The following C7orf78 variants were observed in gnomAD, a reference collection of about 807,000 sequenced individuals.
The protein encoded by C7orf78 is putative uncharacterized protein C7orf78.
At chr7:12,535,002 G>GGAAGGAAA in the C7orf78 span, among the ~76,000 whole-genome samples, 1 of 150,428 alleles carries the variant, frequency 6.6e-6, no homozygotes, top group Admixed American at 6.7e-5. Context: ...AAGGAAGGAA[G>GGAAGGAAA]GAAGGAAGGA....
chr7:12,508,821 T>C, the C7orf78 span, among the ~76,000 whole-genome samples: 3 of 152,288 alleles, frequency 2.0e-5, no homozygotes, highest in South Asian at 2.1e-4. Flanking sequence ...GTGAACCCTA[T>C]TGTGAACTGC....
At chr7:12,540,530 T>C in the C7orf78 span, among the ~76,000 whole-genome samples, 4 of 152,232 alleles carry the variant, frequency 2.6e-5, no homozygotes, top group African/African-American at 9.6e-5. Context: ...GTTATAATTT[T>C]ATAAGCTGGG....
the C7orf78 span, among the ~76,000 whole-genome samples, chr7:12,484,507 A>G: frequency 0.018 from 2,815 of 152,298 alleles, 83 homozygotes; most frequent in African/African-American, 0.064. Context: ...CTCTGTAGTC[A>G]TTATTTTAGT....
At chr7:12,515,729 G>A in the C7orf78 span, among the ~76,000 whole-genome samples, 1 of 152,170 alleles carries the variant, frequency 6.6e-6, no homozygotes, top group East Asian at 1.9e-4. Context: ...AACTTGTTGG[G>A]AACTGGAGCA....
At chr7:12,523,553 T>C in the C7orf78 span, 1 of 394,016 alleles carries the variant, frequency 2.5e-6, no homozygotes, top group Non-Finnish European at 4.5e-6. Flanking sequence ...ATAATGTGTA[T>C]AATGCTGCCT....
chr7:12,496,186 A>G, the C7orf78 span, among the ~76,000 whole-genome samples: 4 of 152,130 alleles, frequency 2.6e-5, no homozygotes, highest in Non-Finnish European at 5.9e-5. Context: ...CGGCCTCCCA[A>G]AGTGCTGGGA....
chr7:12,513,827 C>T, the C7orf78 span, among the ~76,000 whole-genome samples: 8 of 151,938 alleles, frequency 5.3e-5, no homozygotes, highest in Non-Finnish European at 8.8e-5. Flanking sequence ...GGTGAAACCC[C>T]GTCTCTACTA....
the C7orf78 span, among the ~76,000 whole-genome samples, chr7:12,513,463 G>A: frequency 0.018 from 2,778 of 151,956 alleles, 80 homozygotes; most frequent in African/African-American, 0.063. Flanking sequence ...ATTTGCATTT[G>A]TATCAAGAAA....
At chr7:12,523,884 A>G in the C7orf78 span, among the ~76,000 whole-genome samples, 1 of 152,206 alleles carries the variant, frequency 6.6e-6, no homozygotes, top group Non-Finnish European at 1.5e-5. Context: ...TATATGGGCA[A>G]TAATTAGATT....
At chr7:12,504,873 A>G in the C7orf78 span, among the ~76,000 whole-genome samples, 6 of 152,100 alleles carry the variant, frequency 3.9e-5, no homozygotes, top group African/African-American at 1.4e-4. Context: ...ACATTTTTTT[A>G]TATTGACAAC....
chr7:12,522,741 A>G, the C7orf78 span, among the ~76,000 whole-genome samples: 1 of 152,172 alleles, frequency 6.6e-6, no homozygotes, highest in Non-Finnish European at 1.5e-5. Flanking sequence ...TTTTACATCA[A>G]TCATTTAAAA....
the C7orf78 span, chr7:12,541,871 T>C: frequency 6.6e-6 from 1 of 152,144 alleles, no homozygotes; most frequent in Admixed American, 6.5e-5. Context: ...AGAGAAGATC[T>C]CCAAGTAACA....
At chr7:12,501,896 G>A in the C7orf78 span, among the ~76,000 whole-genome samples, 2 of 43,808 alleles carry the variant, frequency 4.6e-5, no homozygotes, top group African/African-American at 2.0e-4. Flanking sequence ...ATAGATCAAT[G>A]GAACAGAACA....
chr7:12,498,486 A>T, the C7orf78 span, among the ~76,000 whole-genome samples: 7 of 151,994 alleles, frequency 4.6e-5, no homozygotes, highest in East Asian at 1.4e-3. Context: ...GGGTATCAGC[A>T]ATGGAAGATG....
chr7:12,528,686 A>C, the C7orf78 span, among the ~76,000 whole-genome samples: 1 of 152,246 alleles, frequency 6.6e-6, no homozygotes, highest in East Asian at 1.9e-4. Context: ...AGAGAAATAA[A>C]AGGTGGGATT....
the C7orf78 span, among the ~76,000 whole-genome samples, chr7:12,526,074 TACC>T: frequency 6.6e-6 from 1 of 152,294 alleles, no homozygotes; most frequent in Middle Eastern, 3.4e-3. Flanking sequence ...TTTACTTTTC[TACC>T]ACAACTGTTA....
chr7:12,493,199 A>G, the C7orf78 span, among the ~76,000 whole-genome samples: 1 of 152,226 alleles, frequency 6.6e-6, no homozygotes, highest in Non-Finnish European at 1.5e-5. Flanking sequence ...CTGTCAAATA[A>G]GTAAGTAAAT....
chr7:12,495,821 C>T, the C7orf78 span, among the ~76,000 whole-genome samples: 1 of 152,086 alleles, frequency 6.6e-6, no homozygotes. Context: ...TACTTAAAAG[C>T]GTTCATGTTC....
the C7orf78 span, chr7:12,541,950 G>A: frequency 1.3e-5 from 2 of 152,118 alleles, no homozygotes; most frequent in South Asian, 2.1e-4. Context: ...AGAAGGAAAG[G>A]TCTGTCTTTT....
Sources: gnomAD v4.1 joint callset for allele counts (sites outside exome capture counted in the v4.1 genomes callset) on GRCh38, gnomAD v4.1.1 for gene constraint, MANE v1.5 for transcripts, NCBI Gene and HGNC (gene_info 2026-07-23, HGNC 2026-07-21) for gene names.